HEPHL1: variants seen among roughly 807,000 people sequenced by gnomAD.
HEPHL1 encodes the protein ferroxidase HEPHL1.
Under a neutral mutation model 122.0 loss-of-function variants are expected in HEPHL1, and 123 were observed. The observed-to-expected ratio is 1.01, with a 90% CI of 0.87 to 1.17. The LOEUF (loss-of-function observed/expected upper bound fraction) is 1.17, where lower values mean the gene tolerates loss of function less well. Ranked by LOEUF, HEPHL1 falls within the 50% of genes most tolerant of loss-of-function variation. HEPHL1 has a pLI of 0.00. For missense variants in HEPHL1, 1,452 were observed against 1,430.5 expected (o/e 1.01, Z -0.24); for synonymous variants, 527 against 508.9 (o/e 1.04, Z -0.48).
intron 6 of HEPHL1, among the ~76,000 whole-genome samples, chr11:94,072,242 A>T (rs566474267): frequency 2.0e-5 from 3 of 152,140 alleles, no homozygotes; most frequent in Non-Finnish European, 4.4e-5. Context: ...AGCCAGTATC[A>T]GATAGAGGAT....
intron 13 of HEPHL1, among the ~76,000 whole-genome samples, chr11:94,098,735 C>A (rs1169749890): frequency 2.0e-5 from 3 of 152,132 alleles, no homozygotes; most frequent in South Asian, 2.1e-4. Context: ...TTTCTCTAAA[C>A]TTCTCTTCTC....
rs141858792 is a variant in HEPHL1, at chr11:94,043,738, C to T, written c.171-1935C>T. On this transcript the variant is annotated intron_variant, in intron 1 of 19. Coordinates refer to ENST00000315765, the MANE Select transcript of HEPHL1 (RefSeq NM_001098672.2). ...TTTTCTTGAGTAACTCTTCATTGTTCGAGAGTATACTGAAGCATTACTTCC... is the reference window on the plus strand; with the variant it reads ...TTTTCTTGAGTAACTCTTCATTGTTTGAGAGTATACTGAAGCATTACTTCC... Among the ~76,000 whole-genome samples the T allele has an allele frequency of 1.7e-3, 255 of 151,682 alleles. 2 individuals carry two copies. The Middle Eastern group carries it at 0.017, about 10-fold the overall frequency.
Position 94,111,706 on chromosome 11 carries a change from G to A in HEPHL1, c.3292G>A (p.Glu1098Lys). 6.2e-7 allele frequency: 1 copy of A among 1,611,056 alleles called. No homozygotes were observed. The highest frequency in any genetic ancestry group is 8.5e-7 in the Non-Finnish European group (1 of 1,178,320). Residue 1098 changes from glutamate to lysine, a missense_variant, in exon 20 of 20, where the codon GAG becomes AAG. Physicochemically the swap from Glu to Lys is moderately conservative, Grantham distance 56 (BLOSUM62 1). Coordinates refer to ENST00000315765, the MANE Select transcript of HEPHL1 (RefSeq NM_001098672.2). ...CTTTTTCACAGAACGACCTGGCAAA[G>A]AGCAGCTCTATTTCTTTGGCAAGAA... is the stretch of plus-strand genomic sequence containing the variant. ...TVPSNERPGK[E>K]QLYFFGKNLG...
chr11:94,031,313 T>C (rs1331347498), intron 1 of HEPHL1, among the ~76,000 whole-genome samples: 1 of 147,436 alleles, frequency 6.8e-6, no homozygotes, highest in Non-Finnish European at 1.5e-5. Flanking sequence ...TCTTTGCATA[T>C]GGGTAAATGT....
At chr11:94,097,440 T>C (rs559186591) in intron 13 of HEPHL1, among the ~76,000 whole-genome samples, 1 of 152,342 alleles carries the variant, frequency 6.6e-6, no homozygotes, top group African/African-American at 2.4e-5. Context: ...CTTCCAACTA[T>C]GTGGTCAGTT....
chr11:94,100,877 C>A (rs1946362028), intron 13 of HEPHL1, among the ~76,000 whole-genome samples: 1 of 152,100 alleles, frequency 6.6e-6, no homozygotes, highest in African/African-American at 2.4e-5. Flanking sequence ...CTTATTCAAC[C>A]CTTACTATAA....
At chr11:94,033,901 T>C (rs1945697941) in intron 1 of HEPHL1, among the ~76,000 whole-genome samples, 1 of 152,154 alleles carries the variant, frequency 6.6e-6, no homozygotes, top group South Asian at 2.1e-4. Context: ...TATTAGCACA[T>C]GAACAGAGCA....
chr11:94,107,009 A>G, intron 17 of HEPHL1, among the ~76,000 whole-genome samples: 1 of 152,144 alleles, frequency 6.6e-6, no homozygotes, highest in East Asian at 1.9e-4. Flanking sequence ...GGAACTATGT[A>G]AAAACCCAAC....
rs1384481682 is a variant in HEPHL1, at chr11:94,102,655, T to C, written c.2576-259T>C. 2.0e-5 allele frequency among the ~76,000 whole-genome samples: 3 copies of C among 152,248 alleles called. No homozygotes were observed. The East Asian group carries it at 5.8e-4, about 29-fold the overall frequency. ...ACAGTGAGGTATAAAATGTTTTTAT[T>C]TCCTGAATACACACCAGTTGACAAT... On this transcript the variant is annotated intron_variant, in intron 14 of 19. Coordinates refer to ENST00000315765, the MANE Select transcript of HEPHL1 (RefSeq NM_001098672.2).
chr11:94,083,046 C>T (rs1310439808), intron 10 of HEPHL1, among the ~76,000 whole-genome samples: 3 of 151,490 alleles, frequency 2.0e-5, no homozygotes, highest in African/African-American at 7.3e-5. Flanking sequence ...CAAGTTCGTG[C>T]CACTGCACAG....
chr11:94,086,556 A>G (rs1467488955), intron 11 of HEPHL1, among the ~76,000 whole-genome samples: 1 of 152,222 alleles, frequency 6.6e-6, no homozygotes, highest in Non-Finnish European at 1.5e-5. Context: ...AGCATCTACC[A>G]GGCATGGACA....
chr11:94,075,416 A>T, intron 9 of HEPHL1, 31 bp downstream of exon 9: 1 of 1,535,486 alleles, frequency 6.5e-7, no homozygotes, highest in Non-Finnish European at 8.9e-7. Flanking sequence ...AGTTCTTCTC[A>T]GGGTTGTATG....
At chr11:94,110,735 T>C (rs1331997986) in intron 17 of HEPHL1, among the ~76,000 whole-genome samples, 168 bp from the exon 18 acceptor site, 2 of 152,262 alleles carry the variant, frequency 1.3e-5, no homozygotes, top group Non-Finnish European at 2.9e-5. Context: ...GAATCAGTTT[T>C]AGATTTCTTT....
In HEPHL1 at chr11:94,102,925, A is replaced by T. The variant is rs1946379199; in HGVS notation, c.2587A>T (p.Thr863Ser). 1.3e-6 allele frequency: 2 copies of T among 1,571,508 alleles called. No individual in the cohort carries two copies. The highest frequency in any genetic ancestry group is 1.3e-5 in the African/African-American group (1 of 74,084). ...VPMTKPGEVK[T>S]YRWNIPKRSG... ...TTCATTTATTACAGGAGAAGTAAAA[A>T]CTTATAGATGGAATATCCCTAAAAG... Residue 863 changes from threonine (T) to serine (S), a missense_variant, in exon 15 of 20, where the codon ACT becomes TCT. Transcript: ENST00000315765.
Position 94,064,337 on chromosome 11 carries a change from T to G in HEPHL1, c.635T>G (p.Leu212Arg). The G allele has an allele frequency of 6.2e-7, 1 of 1,610,924 alleles. No homozygotes were observed. Residue 212 changes from leucine (L) to arginine (R), a missense_variant, in exon 4 of 20, where the codon CTG (leucine) becomes CGG (arginine). By Grantham distance (102) the Leu-to-Arg change is moderately radical. Transcript: ENST00000315765. Reference protein sequence around the residue: ...GPLLVCKEGILNRYSGTRNDV... With the variant: ...GPLLVCKEGIRNRYSGTRNDV... ...TTTTGAATGTGCCTGACAGGTATCC[T>G]GAATAGATATTCAGGGACACGGAAT...
chr11:94,052,109 T>G (rs762543100), intron 2 of HEPHL1, among the ~76,000 whole-genome samples: 11 of 152,094 alleles, frequency 7.2e-5, no homozygotes, highest in Non-Finnish European at 1.6e-4. Flanking sequence ...TTAGGATGGC[T>G]TTGGCTATTC....
chr11:94,036,915 C>T (rs1337916881), intron 1 of HEPHL1, among the ~76,000 whole-genome samples: 7 of 151,574 alleles, frequency 4.6e-5, no homozygotes, highest in East Asian at 2.0e-4. Context: ...CCAGCGTGAG[C>T]GACACAGAAG....
At chr11:94,048,662 T>A (rs542724962) in intron 2 of HEPHL1, among the ~76,000 whole-genome samples, 1 of 152,124 alleles carries the variant, frequency 6.6e-6, no homozygotes, top group Non-Finnish European at 1.5e-5. Context: ...GTGCCCAGCC[T>A]GTGGACAAAA....
Position 94,021,534 on chromosome 11 carries a change from GAC to G in HEPHL1, c.168_169del (p.Asp56GlufsTer54). 1 of 1,604,976 alleles carries G rather than the reference GAC, an allele frequency of 6.2e-7. No homozygotes were observed. ...NVITGKSFTE[D>X]KLATLFLERG... ...TATTACTGGGAAAAGTTTCACAGAA[GAC>G]AAGTGAGTGAACTTAGGGTCCTCAT... On this transcript the variant is annotated frameshift_variant and splice_region_variant, in exon 1 of 20. Coordinates refer to ENST00000315765, the MANE Select transcript of HEPHL1 (RefSeq NM_001098672.2). LOFTEE classifies it high-confidence loss of function.
Sources: gnomAD v4.1 joint callset for allele counts (sites outside exome capture counted in the v4.1 genomes callset) on GRCh38, gnomAD v4.1.1 for gene constraint, MANE v1.5 for transcripts, NCBI Gene and HGNC (gene_info 2026-07-23, HGNC 2026-07-21) for gene names.